Variants in C6orf163 observed in about 807,000 individuals in gnomAD.
C6orf163 encodes uncharacterized protein C6orf163.
In C6orf163, 22 loss-of-function variants were observed where a neutral mutation model predicts 28.4. That is an observed-to-expected ratio of 0.78 (90% CI 0.55 to 1.11). The LOEUF (loss-of-function observed/expected upper bound fraction) is 1.11. Ranked by LOEUF, C6orf163 falls within the 50% of genes least tolerant of loss-of-function variation. The pLI, the probability that C6orf163 is intolerant of heterozygous loss-of-function variation, is 0.00. For missense variants in C6orf163, 342 were observed against 389.1 expected, an observed-to-expected ratio of 0.88 and a Z score of 1.02; for synonymous variants, 110 against 123.6, an observed-to-expected ratio of 0.89 and a Z score of 0.73.
In C6orf163 at chr6:87,365,290, A is replaced by C; in HGVS notation, c.884A>C (p.Tyr295Ser). 6.4e-7 allele frequency: 1 copy of C among 1,551,634 alleles called. No homozygotes were observed. The highest frequency in any genetic ancestry group is 1.2e-5 in the South Asian group (1 of 84,064). ...ATGGCATTTCAAAAATACATCAATT[A>C]TACCTTTCCTAAGCTTTCACCAGGA... ...TRMAFQKYIN[Y>S]TFPKLSPGHA... The change falls in exon 5 of 5, where the codon TAT becomes TCT. Residue 295 changes from tyrosine to serine, a missense_variant. Physicochemically the swap from Tyr to Ser is moderately radical, Grantham distance 144 (BLOSUM62 -2). Coordinates refer to ENST00000388923, the MANE Select transcript of C6orf163 (RefSeq NM_001010868.3).
In C6orf163 at chr6:87,344,999, C is replaced by A; in HGVS notation, c.-101C>A. 1.1e-6 allele frequency: 1 copy of A among 937,154 alleles called. No individual in the cohort carries two copies. The highest frequency in any genetic ancestry group is 1.6e-6 in the Non-Finnish European group (1 of 642,238). 58.1% of individuals were successfully genotyped at this position (937,154 alleles called of 1,614,324 possible). On this transcript the variant is annotated 5_prime_UTR_variant, in exon 1 of 5. Coordinates refer to ENST00000388923, the MANE Select transcript of C6orf163 (RefSeq NM_001010868.3). ...CTAGCATTATCCTAAAACCCTGAAC[C>A]TCTTCCAGCTTTCTTAAACTTTCAG...
Position 87,365,386 on chromosome 6 carries a change from C to T in C6orf163, c.980C>T (p.Thr327Ile). 1.3e-6 allele frequency: 2 copies of T among 1,521,810 alleles called. No homozygotes were observed. The highest frequency in any genetic ancestry group is 8.8e-7 in the Non-Finnish European group (1 of 1,130,402). 94.3% of individuals were successfully genotyped at this position (1,521,810 alleles called of 1,614,324 possible). A position where few individuals can be genotyped will look rare whatever the true frequency, so the allele number is the denominator to read the frequency against. ...CTTGTTATTAAGGAGAACAAAACAA[C>T]TCTTGATTAGAAGTCTTCAGTTGAA... Reference protein sequence around the residue: ...SNLVIKENKTTLD With the variant: ...SNLVIKENKTILD The change falls in exon 5 of 5, where the codon ACT becomes ATT. Residue 327 changes from threonine to isoleucine, a missense_variant. Transcript: ENST00000388923.
intron 3 of C6orf163, among the ~76,000 whole-genome samples, chr6:87,355,569 A>C (rs1225198932): frequency 4.6e-5 from 7 of 152,164 alleles, no homozygotes; most frequent in African/African-American, 7.2e-5. Flanking sequence ...TCAAAAAAAA[A>C]CAATTACCTT....
Position 87,364,951 on chromosome 6 carries a change from T to C in C6orf163, c.555-10T>C. 6.6e-7 allele frequency: 1 copy of C among 1,523,174 alleles called. No homozygotes were observed. Among genetic ancestry groups the C allele is most frequent in the Non-Finnish European group, 8.8e-7 (1 of 1,131,096 alleles). The allele number at this position is 1,523,174 out of a possible 1,614,324, so 94.4% of individuals were successfully genotyped here. ...CCATCTAAATTATAAATCCATATTA[T>C]CTTTTGTAGCAAAGCCGTGGAGGAA... On this transcript the variant is annotated splice_polypyrimidine_tract_variant and intron_variant, in intron 4 of 4. Coordinates refer to ENST00000388923, the MANE Select transcript of C6orf163 (RefSeq NM_001010868.3).
intron 4 of C6orf163, chr6:87,357,473 C>A (rs1233235557): frequency 1.3e-5 from 2 of 152,098 alleles, no homozygotes; most frequent in African/African-American, 4.8e-5. Flanking sequence ...AAATCTTTTT[C>A]ATTAGAACTC....
At chr6:87,348,326 C>T (rs1777359088) in intron 1 of C6orf163, 15 of 985,854 alleles carry the variant, frequency 1.5e-5, no homozygotes, top group Non-Finnish European at 1.8e-5. Context: ...AACTTCTACC[C>T]CTTAGCTCAC....
At chr6:87,345,494 GTTATGAGAC>G (rs1343354656) in intron 1 of C6orf163, among the ~76,000 whole-genome samples, 3 of 152,176 alleles carry the variant, frequency 2.0e-5, no homozygotes, top group African/African-American at 7.2e-5. Flanking sequence ...CTTACAGGTT[GTTATGAGAC>G]TTTAATGAAG....
chr6:87,359,538 A>G (rs1777551929), intron 4 of C6orf163, among the ~76,000 whole-genome samples: 2 of 152,230 alleles, frequency 1.3e-5, no homozygotes, highest in Non-Finnish European at 2.9e-5. Flanking sequence ...GTTGTACCTG[A>G]TTGAAATAGT....
At chr6:87,356,721 C>T in intron 4 of C6orf163, 2 of 503,248 alleles carry the variant, frequency 4.0e-6, no homozygotes, top group Non-Finnish European at 7.0e-6. Flanking sequence ...ACCTACCACC[C>T]AGCTTAAGGG....
chr6:87,346,509 A>G (rs187107974), intron 1 of C6orf163, among the ~76,000 whole-genome samples: 41 of 152,334 alleles, frequency 2.7e-4, no homozygotes, highest in Admixed American at 1.5e-3. Flanking sequence ...AGTTAAATCT[A>G]TTGTTAGAAA....
chr6:87,364,282 CA>C, intron 4 of C6orf163, among the ~76,000 whole-genome samples: 1 of 151,028 alleles, frequency 6.6e-6, no homozygotes, highest in African/African-American at 2.4e-5. Flanking sequence ...GACACTGTCT[CA>C]AAAAAAAAGT....
intron 4 of C6orf163, among the ~76,000 whole-genome samples, chr6:87,361,679 C>T (rs1428715161): frequency 6.6e-6 from 1 of 152,182 alleles, no homozygotes; most frequent in Non-Finnish European, 1.5e-5. Flanking sequence ...TCGATGCACA[C>T]TGCCCACTCT....
intron 4 of C6orf163, chr6:87,357,205 C>T (rs1210513037): frequency 6.6e-6 from 1 of 152,080 alleles, no homozygotes; most frequent in Admixed American, 6.6e-5. Context: ...AAGAAAACCA[C>T]GGTAACTATT....
At chr6:87,348,101 G>A in intron 1 of C6orf163, 1 of 722,820 alleles carries the variant, frequency 1.4e-6, no homozygotes, top group Non-Finnish European at 1.7e-6. Context: ...GTTGCAGTGA[G>A]CCGAAATGGC....
intron 3 of C6orf163, among the ~76,000 whole-genome samples, chr6:87,353,361 G>A (rs1777448724): frequency 1.3e-5 from 2 of 151,642 alleles, no homozygotes; most frequent in Admixed American, 6.6e-5. Flanking sequence ...TTGAGGTGAG[G>A]GATATTCCAT....
chr6:87,364,819 A>G (rs1023222713), intron 4 of C6orf163, 142 bp from the exon 5 acceptor site: 13 of 646,620 alleles, frequency 2.0e-5, no homozygotes, highest in East Asian at 1.1e-4. Context: ...AGCTAATGCA[A>G]TCCAAAAGCT....
chr6:87,362,195 G>C (rs1321257292), intron 4 of C6orf163, among the ~76,000 whole-genome samples: 3 of 152,178 alleles, frequency 2.0e-5, no homozygotes, highest in Non-Finnish European at 2.9e-5. Context: ...AGTAAAAATA[G>C]GTCAGGCACG....
intron 4 of C6orf163, among the ~76,000 whole-genome samples, chr6:87,361,479 TA>T (rs1777580159): frequency 6.6e-6 from 1 of 152,066 alleles, no homozygotes; most frequent in Non-Finnish European, 1.5e-5. Context: ...AGTTAGCCCA[TA>T]AATGAAACCT....
chr6:87,356,578 A>T (rs894343733), intron 4 of C6orf163, 75 bp downstream of exon 4: 20 of 1,355,688 alleles, frequency 1.5e-5, no homozygotes, highest in Non-Finnish European at 2.0e-5. Context: ...ATAAGGTTAC[A>T]GTACATAGGT....
Sources: allele counts gnomAD v4.1 joint callset (sites outside exome capture counted in the v4.1 genomes callset), GRCh38; gene constraint gnomAD v4.1.1; transcripts MANE v1.5; gene names NCBI Gene and HGNC (gene_info 2026-07-23, HGNC 2026-07-21).